CAPS2: variants seen among roughly 807,000 people sequenced by gnomAD.
CAPS2 encodes calcyphosin-2.
CAPS2 carries 98 observed loss-of-function variants against 86.5 expected under a neutral mutation model. The observed-to-expected ratio is 1.13, with a 90% CI of 0.96 to 1.34. CAPS2 has a LOEUF of 1.34. CAPS2 is among the 40% of genes most tolerant of loss of function. CAPS2 has a pLI of 0.00. For missense variants in CAPS2, 729 were observed against 686.8 expected, an observed-to-expected ratio of 1.06 and a Z score of -0.69; for synonymous variants, 210 against 225.1, an observed-to-expected ratio of 0.93 and a Z score of 0.60.
intron 1 of CAPS2, chr12:75,390,713 T>G: frequency 4.4e-6 from 2 of 458,138 alleles, no homozygotes; most frequent in Non-Finnish European, 9.1e-6. Flanking sequence ...CTCAGACCTG[T>G]TACTCAGCAA....
At chr12:75,311,282 G>A (rs2039134447) in intron 7 of CAPS2, among the ~76,000 whole-genome samples, 1 of 152,168 alleles carries the variant, frequency 6.6e-6, no homozygotes, top group Non-Finnish European at 1.5e-5. Flanking sequence ...TGGCAGCAGA[G>A]GGAGTAAATC....
chr12:75,386,861 G>GA (rs71438896), intron 1 of CAPS2, among the ~76,000 whole-genome samples: 25,710 of 149,754 alleles, frequency 0.17, 2,368 homozygotes, highest in Admixed American at 0.24. Flanking sequence ...CCATATACAA[G>GA]AAAAAAAAAC....
chr12:75,345,575 A>T (rs562516201), intron 1 of CAPS2, among the ~76,000 whole-genome samples: 2 of 152,294 alleles, frequency 1.3e-5, no homozygotes, highest in Non-Finnish European at 1.5e-5. Context: ...AGCAACTTCC[A>T]TGTTCCCTTT....
At chr12:75,292,230 C>A (rs1033962287) in intron 12 of CAPS2, among the ~76,000 whole-genome samples, 1 of 151,916 alleles carries the variant, frequency 6.6e-6, no homozygotes, top group African/African-American at 2.4e-5. Context: ...CCACGCCCAG[C>A]TAATTTTTGT....
intron 1 of CAPS2, among the ~76,000 whole-genome samples, chr12:75,368,859 T>G (rs757376275): frequency 6.6e-5 from 10 of 151,434 alleles, no homozygotes; most frequent in Non-Finnish European, 8.9e-5. Context: ...ATTACTAATT[T>G]TTTTCATCAT....
chr12:75,323,062 C>A, exon 4 of CAPS2: 2 of 1,549,584 alleles, frequency 1.3e-6, no homozygotes, highest in Middle Eastern at 1.7e-4. Flanking sequence ...GTTTGCTGTA[C>A]TAAGTGGAAT....
At chr12:75,289,571 A>C (rs777078192) in intron 14 of CAPS2, 50 bp downstream of exon 14, 1 of 1,501,002 alleles carries the variant, frequency 6.7e-7, no homozygotes, top group Non-Finnish European at 9.0e-7. Flanking sequence ...GAATAATGCC[A>C]CCTAAGAATA....
At chr12:75,276,599 T>C (rs1026376053), downstream of CAPS2, 27 of 962,018 alleles carry the variant, frequency 2.8e-5, no homozygotes, top group African/African-American at 4.6e-4. Context: ...GTCCTTTCCA[T>C]TAAAAGTTAG....
At chr12:75,290,570 C>T (rs1023700195) in intron 13 of CAPS2, among the ~76,000 whole-genome samples, 1 of 152,066 alleles carries the variant, frequency 6.6e-6, no homozygotes, top group African/African-American at 2.4e-5. Flanking sequence ...CTGTTTCTTG[C>T]CTTCTTACTG....
chr12:75,337,877 A>T (rs1398797156), intron 1 of CAPS2, among the ~76,000 whole-genome samples: 4 of 152,056 alleles, frequency 2.6e-5, no homozygotes, highest in Non-Finnish European at 5.9e-5. Flanking sequence ...CCGGGGTTAG[A>T]GATTGACTTT....
intron 8 of CAPS2, 103 bp downstream of exon 8, chr12:75,304,654 A>C: frequency 1.1e-6 from 1 of 870,884 alleles, no homozygotes; most frequent in East Asian, 3.0e-5. Flanking sequence ...ATATAGAAAA[A>C]AGTGAAACAA....
chr12:75,299,427 A>G (rs536510966), intron 9 of CAPS2, among the ~76,000 whole-genome samples: 1 of 152,256 alleles, frequency 6.6e-6, no homozygotes, highest in African/African-American at 2.4e-5. Flanking sequence ...AATCTATAAG[A>G]CTGAAATAAT....
chr12:75,364,222 G>A (rs1227649344), intron 1 of CAPS2, among the ~76,000 whole-genome samples: 2 of 152,206 alleles, frequency 1.3e-5, no homozygotes, highest in African/African-American at 4.8e-5. Context: ...AATGAGACAT[G>A]TCTGACCTCC....
intron 1 of CAPS2, among the ~76,000 whole-genome samples, chr12:75,381,010 A>T (rs1332144317): frequency 6.6e-6 from 1 of 152,168 alleles, no homozygotes; most frequent in African/African-American, 2.4e-5. Flanking sequence ...TTTATACTCA[A>T]TTTTATGGCT....
chr12:75,363,158 C>G, intron 1 of CAPS2: 1 of 1,546,868 alleles, frequency 6.5e-7, no homozygotes, highest in Non-Finnish European at 8.7e-7. Context: ...TCTCTCTGCT[C>G]AAAAGAAGAG....
At chr12:75,314,006 G>T (rs575336846) in intron 6 of CAPS2, among the ~76,000 whole-genome samples, 2 of 151,986 alleles carry the variant, frequency 1.3e-5, no homozygotes, top group African/African-American at 4.8e-5. Context: ...TGCAACCTCC[G>T]CCTCCCAGAT....
At chr12:75,379,820 T>A (rs2139796806) in intron 1 of CAPS2, among the ~76,000 whole-genome samples, 1 of 148,566 alleles carries the variant, frequency 6.7e-6, no homozygotes, top group African/African-American at 2.5e-5. Flanking sequence ...GTATTCTCTG[T>A]AGTTTATTAT....
upstream of CAPS2, chr12:75,334,774 T>G: frequency 6.2e-7 from 1 of 1,614,034 alleles, no homozygotes; most frequent in African/African-American, 1.3e-5. Flanking sequence ...CTTGGGTCTG[T>G]GTTTGGTAGC....
chr12:75,381,637 A>G (rs1486067365), intron 1 of CAPS2, among the ~76,000 whole-genome samples: 2 of 115,570 alleles, frequency 1.7e-5, no homozygotes, highest in Non-Finnish European at 3.4e-5. Context: ...TTTTTTTGAG[A>G]CAGAGTCTCG....
Sources: allele counts gnomAD v4.1 joint callset (sites outside exome capture counted in the v4.1 genomes callset), GRCh38; gene constraint gnomAD v4.1.1; transcripts MANE v1.5; gene names NCBI Gene and HGNC (gene_info 2026-07-23, HGNC 2026-07-21).